KCNB2: variants seen among roughly 807,000 people sequenced by gnomAD.
KCNB2 encodes delayed rectifier potassium channel protein.
KCNB2 carries 15 observed loss-of-function variants against 61.5 expected under a neutral mutation model. That is an observed-to-expected ratio of 0.24 (90% CI 0.16 to 0.38). The LOEUF is 0.38. Among genes scored for constraint, KCNB2 ranks in the 10% least tolerant of loss-of-function variants. The pLI is 1.00. For synonymous variants in KCNB2, 457 were observed against 446.0 expected, an observed-to-expected ratio of 1.02 and a Z score of -0.31; for missense variants, 828 against 1,125.2, an observed-to-expected ratio of 0.74 and a Z score of 3.78.
chr8:72,725,736 G>A (rs1479878335), intron 2 of KCNB2, among the ~76,000 whole-genome samples: 1 of 151,006 alleles, frequency 6.6e-6, no homozygotes, highest in Non-Finnish European at 1.5e-5. Flanking sequence ...CCCAGACTGT[G>A]AACTCCATAG....
chr8:72,892,126 G>A (rs1483151164), intron 2 of KCNB2, among the ~76,000 whole-genome samples: 1 of 152,176 alleles, frequency 6.6e-6, no homozygotes, highest in Non-Finnish European at 1.5e-5. Flanking sequence ...GAGGAAATCT[G>A]AAGTTTCTCC....
At chr8:72,885,890 C>G (rs1290610106) in intron 2 of KCNB2, among the ~76,000 whole-genome samples, 2 of 152,062 alleles carry the variant, frequency 1.3e-5, no homozygotes, top group African/African-American at 4.8e-5. Flanking sequence ...GTATTTTACT[C>G]TACTGTTTCC....
chr8:72,861,688 A>G (rs183813583), intron 2 of KCNB2, among the ~76,000 whole-genome samples: 46 of 152,326 alleles, frequency 3.0e-4, no homozygotes, highest in African/African-American at 1.0e-3. Context: ...GAAATTCTCA[A>G]TCGGCCTGCC....
At chr8:72,793,640 G>A (rs1238259554) in intron 2 of KCNB2, among the ~76,000 whole-genome samples, 2 of 152,094 alleles carry the variant, frequency 1.3e-5, no homozygotes, top group African/African-American at 4.8e-5. Flanking sequence ...AGAATTTTTA[G>A]GATTAGGGGA....
intron 2 of KCNB2, among the ~76,000 whole-genome samples, chr8:72,617,185 T>C (rs1156360801): frequency 6.6e-6 from 1 of 152,198 alleles, no homozygotes; most frequent in African/African-American, 2.4e-5. Flanking sequence ...GGAGGTATCC[T>C]TATGTCACCT....
chr8:72,790,063 A>T (rs1009389845), intron 2 of KCNB2, among the ~76,000 whole-genome samples: 1 of 152,146 alleles, frequency 6.6e-6, no homozygotes, highest in Non-Finnish European at 1.5e-5. Flanking sequence ...GTGGGTTCAG[A>T]GTGGATGAAA....
At chr8:72,654,893 C>T (rs895218795) in intron 2 of KCNB2, among the ~76,000 whole-genome samples, 8 of 152,018 alleles carry the variant, frequency 5.3e-5, no homozygotes, top group African/African-American at 9.7e-5. Context: ...AGCAGTTTGG[C>T]GATTTCTCAA....
chr8:72,825,358 G>A (rs925442094), intron 2 of KCNB2, among the ~76,000 whole-genome samples: 1 of 152,100 alleles, frequency 6.6e-6, no homozygotes, highest in African/African-American at 2.4e-5. Flanking sequence ...TATGAACATG[G>A]GTGTACAAAT....
chr8:72,765,991 AT>A lies in KCNB2; in HGVS notation c.580-169942del, dbSNP rs1407036852. Among the ~76,000 whole-genome samples, 8 of 152,318 alleles carry A rather than the reference AT, an allele frequency of 5.3e-5. No individual in the cohort carries two copies. In the East Asian group the frequency reaches 1.5e-3, roughly 29 times the overall value. On this transcript the variant is annotated intron_variant, in intron 2 of 2. Transcript: ENST00000523207. ...ATAGAGACAGATATTTTTCTCTTTC[AT>A]TCTTAATGCTGCTTCTCAAAGAATG...
chr8:72,573,232 C>G (rs1312452114), intron 2 of KCNB2, among the ~76,000 whole-genome samples: 3 of 152,142 alleles, frequency 2.0e-5, no homozygotes, highest in African/African-American at 7.2e-5. Context: ...CATTCTCATT[C>G]TATTTATAGT....
chr8:72,938,027 C>A lies in KCNB2; in HGVS notation c.2672C>A (p.Ala891Asp). 6 of 1,614,032 alleles carry A rather than the reference C, an allele frequency of 3.7e-6. No individual in the cohort carries two copies. The highest frequency in any genetic ancestry group is 1.3e-5 in the African/African-American group (1 of 75,032). Residue 891 changes from alanine (A) to aspartate (D), a missense_variant, in exon 3 of 3, where the codon GCC becomes GAC. By Grantham distance (126) the Ala-to-Asp change is moderately radical (BLOSUM62 -2). Around this residue, in one of 4 missense-constraint regions of KCNB2, gnomAD observed 559 missense variants for 588.4 expected, o/e 0.95. Transcript: ENST00000523207. ...TGCAAGATGGAAAATCACTTGTTTG[C>A]CCCAGAAATTCATTCCAACCCAGGA... ...EGCKMENHLFAPEIHSNPGDT... is the reference protein window; with the variant it reads ...EGCKMENHLFDPEIHSNPGDT...
At chr8:72,884,372 C>G (rs944772499) in intron 2 of KCNB2, among the ~76,000 whole-genome samples, 1 of 151,620 alleles carries the variant, frequency 6.6e-6, no homozygotes. Flanking sequence ...GTGTGTTAGC[C>G]GGGGGAGGGG....
In KCNB2 at chr8:72,938,147, T is replaced by TA; in HGVS notation, c.*61dup. The TA allele has an allele frequency of 7.1e-7, 1 of 1,415,458 alleles. No individual in the cohort carries two copies. Among genetic ancestry groups the TA allele is most frequent in the Non-Finnish European group, 9.6e-7 (1 of 1,037,206 alleles). 87.7% of individuals were successfully genotyped at this position (1,415,458 alleles called of 1,614,324 possible). On this transcript the variant is annotated 3_prime_UTR_variant, in exon 3 of 3. Transcript: ENST00000523207. ...ACAAAACAAAACAAAACTTGTTTCT[T>TA]AAAAATGCGGTTAATAATGCCTGTG...
chr8:72,679,429 A>C (rs1437379678), intron 2 of KCNB2, among the ~76,000 whole-genome samples: 1 of 152,200 alleles, frequency 6.6e-6, no homozygotes, highest in East Asian at 1.9e-4. Flanking sequence ...GGTCCACAAC[A>C]CTTAGCACAT....
chr8:72,537,926 C>G (rs1806139630), intron 1 of KCNB2, 41 bp downstream of exon 1: 1 of 152,232 alleles, frequency 6.6e-6, no homozygotes, highest in African/African-American at 2.4e-5. Context: ...AGGGGGTCTT[C>G]CTTTAAGAAT....
At chr8:72,797,440 G>T (rs983017389) in intron 2 of KCNB2, among the ~76,000 whole-genome samples, 3 of 152,068 alleles carry the variant, frequency 2.0e-5, no homozygotes, top group Non-Finnish European at 4.4e-5. Flanking sequence ...ATTAACAGCG[G>T]AACACCTCCA....
chr8:72,612,896 A>G (rs577474306), intron 2 of KCNB2, among the ~76,000 whole-genome samples: 1 of 152,286 alleles, frequency 6.6e-6, no homozygotes, highest in East Asian at 1.9e-4. Context: ...TAGATTTTCT[A>G]TGTTTTAACA....
chr8:72,768,213 G>A (rs961956410), intron 2 of KCNB2, among the ~76,000 whole-genome samples: 1 of 152,042 alleles, frequency 6.6e-6, no homozygotes, highest in Admixed American at 6.6e-5. Flanking sequence ...GTCTCACCCT[G>A]TTGCCCAGGC....
chr8:72,624,675 G>A (rs897541628), intron 2 of KCNB2, among the ~76,000 whole-genome samples: 1 of 152,336 alleles, frequency 6.6e-6, no homozygotes, highest in East Asian at 1.9e-4. Context: ...ATTGAGCATT[G>A]CAGTAGGCAG....
Sources: allele counts gnomAD v4.1 joint callset (sites outside exome capture counted in the v4.1 genomes callset), GRCh38; gene constraint gnomAD v4.1.1; regional missense constraint gnomAD v4.1.1; transcripts MANE v1.5; gene names NCBI Gene and HGNC (gene_info 2026-07-23, HGNC 2026-07-21).